The following CEP112 variants were observed in gnomAD, a reference collection of about 807,000 sequenced individuals.
CEP112 encodes centrosomal protein 112.
CEP112 carries 127 observed loss-of-function variants against 153.0 expected under a neutral mutation model. That is an observed-to-expected ratio of 0.83 (90% CI 0.72 to 0.96). CEP112 has a LOEUF of 0.96. Among genes scored for constraint, CEP112 ranks in the 40% least tolerant of loss-of-function variants. The probability of loss-of-function intolerance (pLI) is 0.00; values close to 1 mark genes in which losing one functional copy is unlikely to be tolerated. For synonymous variants in CEP112, 358 were observed against 374.4 expected, an observed-to-expected ratio of 0.96 and a Z score of 0.51; for missense variants, 1,089 against 1,101.2, an observed-to-expected ratio of 0.99 and a Z score of 0.16.
At chr17:65,708,150 C>CTT (rs563680157) in intron 23 of CEP112, among the ~76,000 whole-genome samples, 1 of 146,522 alleles carries the variant, frequency 6.8e-6, no homozygotes. Context: ...ACCCCCCGCA[C>CTT]TTTTTTTTTT....
intron 23 of CEP112, among the ~76,000 whole-genome samples, chr17:65,705,386 G>A (rs1258113746): frequency 6.6e-6 from 1 of 152,144 alleles, no homozygotes; most frequent in Admixed American, 6.5e-5. Context: ...TTGGCAAGGG[G>A]AATAAAACTC....
At chr17:65,906,646 T>C (rs1460216242) in intron 19 of CEP112, among the ~76,000 whole-genome samples, 1 of 152,150 alleles carries the variant, frequency 6.6e-6, no homozygotes, top group Non-Finnish European at 1.5e-5. Flanking sequence ...CTATTGGCAA[T>C]ATTCAGAAAA....
chr17:65,799,033 C>T (rs957827091), intron 21 of CEP112, among the ~76,000 whole-genome samples: 7 of 152,146 alleles, frequency 4.6e-5, no homozygotes, highest in African/African-American at 9.7e-5. Context: ...GTATAATACA[C>T]ATATTTTACC....
chr17:65,783,863 C>CA (rs1229661229), intron 21 of CEP112, among the ~76,000 whole-genome samples: 1 of 152,210 alleles, frequency 6.6e-6, no homozygotes, highest in Non-Finnish European at 1.5e-5. Context: ...TCGACTATTT[C>CA]AACTGTTGCC....
chr17:65,881,523 T>C (rs1430158342), intron 20 of CEP112, among the ~76,000 whole-genome samples: 1 of 152,168 alleles, frequency 6.6e-6, no homozygotes, highest in African/African-American at 2.4e-5. Flanking sequence ...GTTAATTTAT[T>C]GCCTTGGAAA....
intron 4 of CEP112, among the ~76,000 whole-genome samples, chr17:66,143,505 G>A (rs1006300657): frequency 2.0e-5 from 3 of 152,306 alleles, no homozygotes; most frequent in Non-Finnish European, 4.4e-5. Context: ...AGAATCATAA[G>A]GGTGTTGTAC....
intron 20 of CEP112, among the ~76,000 whole-genome samples, chr17:65,892,513 A>G (rs2059502973): frequency 6.6e-6 from 1 of 151,078 alleles, no homozygotes. Flanking sequence ...TTATGGCAGT[A>G]GATGATGATT....
chr17:66,109,196 T>C (rs1373549192), intron 6 of CEP112, among the ~76,000 whole-genome samples: 1 of 152,194 alleles, frequency 6.6e-6, no homozygotes, highest in African/African-American at 2.4e-5. Flanking sequence ...TAAGACCTAG[T>C]ATTTGATAGC....
chr17:66,116,627 C>T (rs1037185496), intron 6 of CEP112, among the ~76,000 whole-genome samples: 9 of 152,164 alleles, frequency 5.9e-5, no homozygotes, highest in Admixed American at 2.0e-4. Context: ...GGAAAGGGAA[C>T]TATCTTTTTG....
chr17:65,775,749 C>T (rs1211363464), intron 21 of CEP112, among the ~76,000 whole-genome samples: 7 of 152,104 alleles, frequency 4.6e-5, no homozygotes, highest in African/African-American at 1.7e-4. Flanking sequence ...GTGATTCACC[C>T]GCCTCAGCCT....
chr17:65,700,118 C>T (rs1762678426), intron 23 of CEP112, among the ~76,000 whole-genome samples: 1 of 152,010 alleles, frequency 6.6e-6, no homozygotes, highest in Admixed American at 6.6e-5. Context: ...CCTCCTCCTC[C>T]TCCTCTTCTC....
chr17:65,685,113 A>C lies in CEP112; in HGVS notation c.2697+4016T>G, dbSNP rs183709908. ...TAACCCTTTGTGCCCCACAATGAGCACATCTTCCCTGGGGACTCTGTGTGC... is the reference window on the plus strand; with the variant it reads ...TAACCCTTTGTGCCCCACAATGAGCCCATCTTCCCTGGGGACTCTGTGTGC... On this transcript the variant is annotated intron_variant, in intron 24 of 26. Coordinates refer to ENST00000535342, the MANE Select transcript of CEP112 (RefSeq NM_001199165.4). 5.8e-3 allele frequency among the ~76,000 whole-genome samples: 887 copies of C among 152,284 alleles called. 4 individuals are homozygous for C. The highest frequency in any genetic ancestry group is 7.8e-3 in the Admixed American group (119 of 15,298).
intron 21 of CEP112, among the ~76,000 whole-genome samples, chr17:65,818,319 C>T (rs769536801): frequency 6.6e-6 from 1 of 151,806 alleles, no homozygotes; most frequent in East Asian, 1.9e-4. Flanking sequence ...GTTAAAATAA[C>T]AAAGCCCTCG....
chr17:65,667,745 T>G (rs1319301112), intron 24 of CEP112, among the ~76,000 whole-genome samples: 1 of 152,174 alleles, frequency 6.6e-6, no homozygotes. Flanking sequence ...ATTTGTATAC[T>G]GAGGATAAAC....
intron 18 of CEP112, among the ~76,000 whole-genome samples, chr17:65,952,859 A>G (rs2061882543): frequency 6.6e-6 from 1 of 152,122 alleles, no homozygotes; most frequent in African/African-American, 2.4e-5. Flanking sequence ...CATTTCCTTG[A>G]TGAATGATGA....
At chr17:66,074,598 C>A (rs1007691692) in intron 8 of CEP112, among the ~76,000 whole-genome samples, 1 of 152,084 alleles carries the variant, frequency 6.6e-6, no homozygotes, top group African/African-American at 2.4e-5. Context: ...GGCATGGTGG[C>A]TCACACCTGT....
At chr17:65,910,025 C>G (rs2060226278) in intron 19 of CEP112, among the ~76,000 whole-genome samples, 1 of 152,062 alleles carries the variant, frequency 6.6e-6, no homozygotes, top group Non-Finnish European at 1.5e-5. Flanking sequence ...AAGTAGGAAA[C>G]TTGGACTGAT....
intron 8 of CEP112, among the ~76,000 whole-genome samples, chr17:66,089,981 G>A (rs534399018): frequency 7.2e-5 from 11 of 152,164 alleles, no homozygotes; most frequent in African/African-American, 1.2e-4. Context: ...GACTAGCAGC[G>A]GATTTCATGG....
intron 23 of CEP112, among the ~76,000 whole-genome samples, chr17:65,698,412 C>T (rs1018738316): frequency 1.3e-5 from 2 of 152,114 alleles, no homozygotes; most frequent in African/African-American, 4.8e-5. Flanking sequence ...TATTTTCAGT[C>T]CTTTAAAATT....
Sources: gnomAD v4.1 joint callset for allele counts (sites outside exome capture counted in the v4.1 genomes callset) on GRCh38, gnomAD v4.1.1 for gene constraint, MANE v1.5 for transcripts, NCBI Gene and HGNC (gene_info 2026-07-23, HGNC 2026-07-21) for gene names.